Variants in SLC39A11 observed in about 807,000 individuals in gnomAD.
SLC39A11 encodes the protein solute carrier family 39 member 11.
SLC39A11 carries 33 observed loss-of-function variants against 36.1 expected under a neutral mutation model. That is an observed-to-expected ratio of 0.91 (90% CI 0.69 to 1.22). The LOEUF (loss-of-function observed/expected upper bound fraction) is 1.22, where lower values mean the gene tolerates loss of function less well. Ranked by LOEUF, SLC39A11 falls within the 50% of genes most tolerant of loss-of-function variation. The pLI, the probability that SLC39A11 is intolerant of heterozygous loss-of-function variation, is 0.00. For synonymous variants in SLC39A11, 166 were observed against 170.3 expected (o/e 0.97, Z 0.20); for missense variants, 432 against 430.3 (o/e 1.00, Z -0.03).
At chr17:73,031,795 C>A in intron 3 of SLC39A11, 81 bp from the exon 4 acceptor site, 1 of 1,363,214 alleles carries the variant, frequency 7.3e-7, no homozygotes, top group Non-Finnish European at 1.0e-6. Context: ...CTCTCTGTGG[C>A]CCAGATTGAC....
chr17:72,736,969 G>A (rs1204680896), intron 6 of SLC39A11, among the ~76,000 whole-genome samples: 1 of 152,146 alleles, frequency 6.6e-6, no homozygotes, highest in Non-Finnish European at 1.5e-5. Flanking sequence ...ACTATTTCAT[G>A]ATACATGAAA....
chr17:73,020,140 C>T (rs1458848345), intron 4 of SLC39A11, among the ~76,000 whole-genome samples: 1 of 152,208 alleles, frequency 6.6e-6, no homozygotes, highest in East Asian at 1.9e-4. Flanking sequence ...GATGACGGGA[C>T]AGAATGTCCT....
intron 7 of SLC39A11, among the ~76,000 whole-genome samples, chr17:72,670,758 A>G (rs548137177): frequency 5.3e-5 from 8 of 152,324 alleles, no homozygotes; most frequent in Admixed American, 4.6e-4. Context: ...TTCTTTTGAC[A>G]TGGCCTTTTG....
intron 6 of SLC39A11, among the ~76,000 whole-genome samples, chr17:72,804,700 G>T (rs2077196106): frequency 6.6e-6 from 1 of 152,130 alleles, no homozygotes; most frequent in Admixed American, 6.5e-5. Flanking sequence ...CCAGTTTCTT[G>T]ATCTGTAAAG....
chr17:72,766,211 A>C (rs1473501270), intron 6 of SLC39A11, among the ~76,000 whole-genome samples: 1 of 152,082 alleles, frequency 6.6e-6, no homozygotes, highest in African/African-American at 2.4e-5. Context: ...GTTACAAGGG[A>C]GAGGCTTCCC....
At chr17:72,910,538 C>T (rs1420429391) in intron 5 of SLC39A11, among the ~76,000 whole-genome samples, 1 of 143,746 alleles carries the variant, frequency 7.0e-6, no homozygotes, top group East Asian at 2.0e-4. Context: ...GTGCGAGAAT[C>T]GCTTGAACCT....
chr17:72,861,693 T>C (rs868446279), intron 5 of SLC39A11, among the ~76,000 whole-genome samples: 1 of 89,432 alleles, frequency 1.1e-5, no homozygotes, highest in African/African-American at 4.7e-5. Context: ...ATATATAAAA[T>C]ATATATATTG....
chr17:72,905,083 G>A (rs1411447416), intron 5 of SLC39A11, among the ~76,000 whole-genome samples: 1 of 146,586 alleles, frequency 6.8e-6, no homozygotes, highest in East Asian at 2.1e-4. Flanking sequence ...TGAGGCAGAA[G>A]AATGGCATGA....
chr17:72,731,505 T>A (rs1028259016), intron 7 of SLC39A11, among the ~76,000 whole-genome samples: 9 of 150,648 alleles, frequency 6.0e-5, no homozygotes, highest in Non-Finnish European at 1.2e-4. Context: ...TTATTAAGTA[T>A]TAAAAAGTGC....
At chr17:73,076,752 T>C (rs1432577813) in intron 3 of SLC39A11, among the ~76,000 whole-genome samples, 1 of 152,038 alleles carries the variant, frequency 6.6e-6, no homozygotes, top group Non-Finnish European at 1.5e-5. Flanking sequence ...GGATTGACAG[T>C]AGTGACCTAG....
At chr17:72,982,692 C>CTTT (rs57615096) in intron 4 of SLC39A11, among the ~76,000 whole-genome samples, 75,404 of 146,924 alleles carry the variant, frequency 0.51, 19,835 homozygotes, top group Middle Eastern at 0.7. Flanking sequence ...GTTGCCAAGT[C>CTTT]TTTTTTTTTT....
intron 6 of SLC39A11, among the ~76,000 whole-genome samples, chr17:72,746,086 A>C (rs1054370336): frequency 6.6e-6 from 1 of 152,168 alleles, no homozygotes; most frequent in Non-Finnish European, 1.5e-5. Flanking sequence ...AAGGAAGGTC[A>C]AGGGTGTCCT....
At chr17:72,769,820 C>T (rs1003402532) in intron 6 of SLC39A11, among the ~76,000 whole-genome samples, 6 of 152,110 alleles carry the variant, frequency 3.9e-5, no homozygotes, top group Admixed American at 3.9e-4. Flanking sequence ...TGGGATTACA[C>T]CGAGCCTGGC....
intron 6 of SLC39A11, among the ~76,000 whole-genome samples, chr17:72,762,391 T>C (rs112588013): frequency 0.11 from 16,388 of 152,178 alleles, 987 homozygotes; most frequent in Middle Eastern, 0.16. Flanking sequence ...CATGACAGTT[T>C]ACAAATGCCA....
intron 3 of SLC39A11, among the ~76,000 whole-genome samples, chr17:73,044,894 A>G (rs1207550091): frequency 1.3e-5 from 2 of 151,850 alleles, no homozygotes; most frequent in Admixed American, 6.6e-5. Context: ...AAAAAAAAAA[A>G]AAGAAAAGAA....
At chr17:72,837,954 G>T in intron 6 of SLC39A11, 1 of 1,230,594 alleles carries the variant, frequency 8.1e-7, no homozygotes, top group Non-Finnish European at 1.0e-6. Flanking sequence ...TGCTCAAAGA[G>T]TGTGGGGTTT....
intron 6 of SLC39A11, among the ~76,000 whole-genome samples, chr17:72,833,900 T>C (rs2078396417): frequency 6.6e-6 from 1 of 152,180 alleles, no homozygotes. Context: ...AAGAGAATGG[T>C]ATCACAGGAT....
rs73350993 is a variant in SLC39A11, at chr17:73,063,726, C to T, written c.147+21082G>A. ...GCTTCAAAAAGTATAAAGCAATAAA[C>T]CAATGTCACATAATAATATTTGGGG... On this transcript the variant is annotated intron_variant, in intron 3 of 9. Transcript: ENST00000255559. Among the ~76,000 whole-genome samples, 735 of 152,230 alleles carry T rather than the reference C, an allele frequency of 4.8e-3. 7 individuals are homozygous for T. Among genetic ancestry groups the T allele is most frequent in the African/African-American group, 0.017 (689 of 41,534 alleles).
chr17:72,896,945 C>T (rs187723331), intron 5 of SLC39A11, among the ~76,000 whole-genome samples: 5 of 145,660 alleles, frequency 3.4e-5, no homozygotes, highest in South Asian at 2.2e-4. Context: ...CCCAGCTACT[C>T]GGGAGGCTGA....
Sources: gnomAD v4.1 joint callset for allele counts (sites outside exome capture counted in the v4.1 genomes callset) on GRCh38, gnomAD v4.1.1 for gene constraint, MANE v1.5 for transcripts, NCBI Gene and HGNC (gene_info 2026-07-23, HGNC 2026-07-21) for gene names.